Variants in SAMD12 observed in about 807,000 individuals in gnomAD.
SAMD12 encodes sterile alpha motif domain containing 12.
In SAMD12, 9 loss-of-function variants were observed where a neutral mutation model predicts 15.0. The observed-to-expected ratio is 0.60, with a 90% CI of 0.36 to 1.05. The LOEUF is 1.05. Ranked by LOEUF, SAMD12 falls within the 50% of genes least tolerant of loss-of-function variation. The pLI is 0.01. For synonymous variants in SAMD12, 86 were observed against 90.1 expected (o/e 0.96, Z 0.25); for missense variants, 230 against 234.2 (o/e 0.98, Z 0.12).
At position 118,379,223 on chromosome 8, in the gene SAMD12, T is replaced by C; in HGVS notation, c.*194A>G. 1 of 1,409,012 alleles carries C rather than the reference T, an allele frequency of 7.1e-7. No individual in the cohort carries two copies. The highest frequency in any genetic ancestry group is 9.2e-7 in the Non-Finnish European group (1 of 1,084,076). 87.3% of individuals were successfully genotyped at this position (1,409,012 alleles called of 1,614,324 possible). On this transcript the variant is annotated 3_prime_UTR_variant, in exon 4 of 4. Coordinates refer to ENST00000314727, the MANE Select transcript of SAMD12 (RefSeq NM_207506.3). ...GTACAGTTGTGCAGGCTGCACATTA[T>C]ACAACTCTAGTGAGTGCAATCGTAC...
At chr8:118,419,612 G>A (rs1586698062) in intron 3 of SAMD12, among the ~76,000 whole-genome samples, 1 of 152,108 alleles carries the variant, frequency 6.6e-6, no homozygotes, top group African/African-American at 2.4e-5. Flanking sequence ...TCATTTGTTG[G>A]GAGAGAGGCT....
chr8:118,545,124 TGTGC>T (rs954125018), intron 2 of SAMD12, among the ~76,000 whole-genome samples: 2 of 152,202 alleles, frequency 1.3e-5, no homozygotes, highest in African/African-American at 4.8e-5. Flanking sequence ...AATATGTGTG[TGTGC>T]ATGTATACAC....
intron 3 of SAMD12, among the ~76,000 whole-genome samples, chr8:118,435,206 G>A (rs1283391708): frequency 2.0e-5 from 3 of 152,012 alleles, no homozygotes; most frequent in African/African-American, 7.3e-5. Flanking sequence ...AGTTACCTGT[G>A]GTCAATTGTG....
exon 5 of SAMD12, chr8:118,190,979 T>G (rs1450404732): frequency 6.6e-6 from 1 of 152,240 alleles, no homozygotes; most frequent in Non-Finnish European, 1.5e-5. Context: ...TATTAAATTT[T>G]GTTACAAGAT....
intron 1 of SAMD12, among the ~76,000 whole-genome samples, chr8:118,606,702 G>A (rs1827994534): frequency 6.6e-6 from 1 of 152,124 alleles, no homozygotes; most frequent in South Asian, 2.1e-4. Context: ...GATCAGCCAA[G>A]GAGAATCACT....
intron 4 of SAMD12, among the ~76,000 whole-genome samples, chr8:118,259,217 C>T (rs773441127): frequency 3.3e-5 from 5 of 152,138 alleles, no homozygotes; most frequent in Admixed American, 6.6e-5. Flanking sequence ...TCTAGCTTAA[C>T]AATCCAGGAG....
In SAMD12 at chr8:118,198,046, C is replaced by G. The variant is rs538002640; in HGVS notation, c.434-314G>C. Among the ~76,000 whole-genome samples, 5 of 152,302 alleles carry G rather than the reference C, an allele frequency of 3.3e-5. No homozygotes were observed. In the East Asian group the frequency reaches 7.7e-4, roughly 24 times the overall value. On this transcript the variant is annotated intron_variant, in intron 4 of 4. Coordinates refer to the SAMD12 transcript ENST00000409003. ...ATGGCGGGGCTGCAGTTTGGGAAACCATTTCATGTATTATGAAGGTTCATG... is the reference window on the plus strand; with the variant it reads ...ATGGCGGGGCTGCAGTTTGGGAAACGATTTCATGTATTATGAAGGTTCATG...
chr8:118,612,929 A>G (rs1004347548), intron 1 of SAMD12, among the ~76,000 whole-genome samples: 11 of 152,212 alleles, frequency 7.2e-5, no homozygotes, highest in African/African-American at 2.7e-4. Flanking sequence ...ATGCATTACT[A>G]CTCAGTGAAA....
chr8:118,434,132 T>C lies in SAMD12; in HGVS notation c.322+5700A>G, dbSNP rs548147240. On this transcript the variant is annotated intron_variant, in intron 3 of 3. Coordinates refer to ENST00000314727, the MANE Select transcript of SAMD12 (RefSeq NM_207506.3). ...TCCTAAAAAGATAGTGATTTTCCCT[T>C]TACTCAACAGCATATTCAGAACTGC... Among the ~76,000 whole-genome samples, 181 of 152,240 alleles carry C rather than the reference T, an allele frequency of 1.2e-3. 1 individual carries two copies. The highest frequency in any genetic ancestry group is 7.7e-3 in the South Asian group (37 of 4,826).
intron 4 of SAMD12, among the ~76,000 whole-genome samples, chr8:118,364,723 T>A (rs1818680433): frequency 6.6e-6 from 1 of 152,096 alleles, no homozygotes; most frequent in African/African-American, 2.4e-5. Flanking sequence ...ACAAAACAAT[T>A]CTGCTGCAAG....
intron 4 of SAMD12, among the ~76,000 whole-genome samples, chr8:118,345,408 G>A (rs773027759): frequency 1.3e-5 from 2 of 152,182 alleles, no homozygotes; most frequent in Non-Finnish European, 2.9e-5. Flanking sequence ...AAGCAATAAA[G>A]TGATACGCGC....
At chr8:118,196,049 C>A (rs976105670) in exon 5 of SAMD12, 1 of 152,230 alleles carries the variant, frequency 6.6e-6, no homozygotes, top group Admixed American at 6.5e-5. Flanking sequence ...TGGAAGCCCC[C>A]TTCTCTGGCT....
intron 4 of SAMD12, among the ~76,000 whole-genome samples, chr8:118,214,656 T>C (rs1287140584): frequency 1.3e-5 from 2 of 152,230 alleles, no homozygotes; most frequent in Non-Finnish European, 2.9e-5. Context: ...TTTAATTTAA[T>C]TTGGAAATCA....
chr8:118,363,677 A>C (rs1818620412), intron 4 of SAMD12, among the ~76,000 whole-genome samples: 1 of 152,196 alleles, frequency 6.6e-6, no homozygotes, highest in Non-Finnish European at 1.5e-5. Context: ...CAGCCTCCAT[A>C]ATAACATCAG....
At chr8:118,498,725 A>G (rs566343438) in intron 2 of SAMD12, among the ~76,000 whole-genome samples, 1 of 152,342 alleles carries the variant, frequency 6.6e-6, no homozygotes, top group East Asian at 1.9e-4. Flanking sequence ...ATATATCTTG[A>G]TGGAAAGAAT....
chr8:118,366,504 C>T (rs1176855681), intron 4 of SAMD12, among the ~76,000 whole-genome samples: 2 of 152,032 alleles, frequency 1.3e-5, no homozygotes, highest in Non-Finnish European at 2.9e-5. Flanking sequence ...TGTATAATTG[C>T]TACTGTAAAA....
In SAMD12 at chr8:118,495,554, C is replaced by CTTT. The variant is rs10671753; in HGVS notation, c.193-55596_193-55594dup. 4.3e-3 allele frequency among the ~76,000 whole-genome samples: 626 copies of CTTT among 145,158 alleles called. 7 individuals carry two copies. The highest frequency in any genetic ancestry group is 0.012 in the African/African-American group (477 of 39,616). ...TTAATCTTCACTTAATTCATGTAGG[C>CTTT]TTTTTTTTTTTTTACCTTATCTCTT... is the stretch of plus-strand genomic sequence containing the variant. On this transcript the variant is annotated intron_variant, in intron 2 of 3. Transcript: ENST00000314727.
the SAMD12 span, among the ~76,000 whole-genome samples, chr8:118,133,082 A>C: frequency 7.1e-6 from 1 of 141,336 alleles, no homozygotes; most frequent in African/African-American, 2.6e-5. Flanking sequence ...ACATTGAAAA[A>C]ATTGGGTTTT....
At chr8:118,307,781 G>A (rs151216851) in intron 4 of SAMD12, among the ~76,000 whole-genome samples, 42 of 143,516 alleles carry the variant, frequency 2.9e-4, no homozygotes, top group East Asian at 1.2e-3. Flanking sequence ...CGTGCTTTGC[G>A]CTCCTAGATG....
Sources: allele counts gnomAD v4.1 joint callset (sites outside exome capture counted in the v4.1 genomes callset), GRCh38; gene constraint gnomAD v4.1.1; transcripts MANE v1.5; gene names NCBI Gene and HGNC (gene_info 2026-07-23, HGNC 2026-07-21).